NFIB: variants seen among roughly 807,000 people sequenced by gnomAD.
The protein encoded by NFIB is nuclear factor 1 B-type.
NFIB carries 11 observed loss-of-function variants against 61.5 expected under a neutral mutation model. The ratio of observed to expected loss-of-function variants is 0.18; its 90% CI spans 0.11 to 0.30. The LOEUF is 0.30. Ranked by LOEUF, NFIB falls within the 10% of genes least tolerant of loss-of-function variation. NFIB has a pLI of 1.00. For missense variants in NFIB, 471 were observed against 608.9 expected (o/e 0.77, Z 2.38); for synonymous variants, 260 against 216.5 (o/e 1.20, Z -1.76).
chr9:14,525,501 G>A, the NFIB span, among the ~76,000 whole-genome samples: 3 of 152,264 alleles, frequency 2.0e-5, no homozygotes, highest in Admixed American at 1.3e-4. Flanking sequence ...GAAGACTGAA[G>A]GAGATGATTT....
chr9:14,148,678 G>C (rs141590639), intron 5 of NFIB, among the ~76,000 whole-genome samples: 1 of 152,028 alleles, frequency 6.6e-6, no homozygotes, highest in African/African-American at 2.4e-5. Flanking sequence ...TCTGACTTCC[G>C]CAAGTGTGCT....
intron 3 of NFIB, among the ~76,000 whole-genome samples, chr9:14,167,252 G>T (rs974324194): frequency 1.3e-5 from 2 of 152,078 alleles, no homozygotes; most frequent in South Asian, 2.1e-4. Context: ...ATATGCATAC[G>T]TCAGAACTGG....
At position 14,120,775 on chromosome 9, in the gene NFIB, T is replaced by G; in HGVS notation, c.1061-151A>C. 1.4e-6 allele frequency: 1 copy of G among 737,550 alleles called. No homozygotes were observed. Among genetic ancestry groups the G allele is most frequent in the Non-Finnish European group, 2.1e-6 (1 of 465,364 alleles). 45.7% of individuals were successfully genotyped at this position (737,550 alleles called of 1,614,324 possible). A position where few individuals can be genotyped will look rare whatever the true frequency, so the allele number is the denominator to read the frequency against. On this transcript the variant is annotated intron_variant, in intron 7 of 10. Transcript: ENST00000380953. This position sits in a 1 kb window ranked among gnomAD's most constrained non-coding sequence, Gnocchi z 4.4. ...CAAGCTCTCCTAAATCAACAGTTAC[T>G]TTTTCATTTTTATTCTCAACACCAG...
chr9:14,140,911 G>A (rs899631714), intron 6 of NFIB, among the ~76,000 whole-genome samples: 7 of 152,052 alleles, frequency 4.6e-5, no homozygotes, highest in African/African-American at 1.2e-4. Context: ...CTCCATCCTG[G>A]GCAACAGACA....
chr9:14,141,430 T>A (rs1273577774), intron 6 of NFIB, among the ~76,000 whole-genome samples: 6 of 152,160 alleles, frequency 3.9e-5, no homozygotes, highest in African/African-American at 1.4e-4. Flanking sequence ...CATGCCAATT[T>A]ATTGATTTTA....
At chr9:14,273,345 G>C (rs528749718) in intron 2 of NFIB, among the ~76,000 whole-genome samples, 1 of 152,120 alleles carries the variant, frequency 6.6e-6, no homozygotes, top group Non-Finnish European at 1.5e-5. Flanking sequence ...TGGAAGACTC[G>C]GGGCTGTGGG....
rs772662135 is a variant in NFIB at position 14,307,245 on chromosome 9, C to T, written c.306G>A (p.Pro102=). ...GGTCGGGATTGGATAAGACACAGCACGGGTGCTTCTTGCCAGTCACGGTGA... is the reference window on the plus strand; with the variant it reads ...GGTCGGGATTGGATAAGACACAGCATGGGTGCTTCTTGCCAGTCACGGTGA... The part of the protein sequence containing the change: ...FVLTVTGKKH[P]CCVLSNPDQK... The change falls in exon 2 of 11, where the codon CCG becomes CCA. Residue 102 remains proline, a synonymous_variant. Transcript: ENST00000380953. This position sits in a 1 kb window ranked among gnomAD's most constrained non-coding sequence, Gnocchi z 5.3. The T allele has an allele frequency of 8.7e-6, 14 of 1,613,940 alleles. No homozygotes were observed. The East Asian group carries it at 1.3e-4, about 15-fold the overall frequency.
chr9:14,175,186 T>TTTTTTTC (rs1563865507), intron 3 of NFIB, among the ~76,000 whole-genome samples: 2 of 141,168 alleles, frequency 1.4e-5, no homozygotes, highest in African/African-American at 5.6e-5. Context: ...TTTTTTTTTT[T>TTTTTTTC]TGAGATGGAG....
chr9:14,530,486 G>T, the NFIB span, among the ~76,000 whole-genome samples: 22 of 151,942 alleles, frequency 1.4e-4, no homozygotes, highest in Admixed American at 1.0e-3. Flanking sequence ...ACTCAAAACA[G>T]CAACAAGTAG....
At chr9:14,506,997 G>A in the NFIB span, among the ~76,000 whole-genome samples, 296 of 152,178 alleles carry the variant, frequency 1.9e-3, 3 homozygotes, top group African/African-American at 6.8e-3. Context: ...ATCTACAGGC[G>A]ACACCATAAA....
At chr9:14,265,411 T>G (rs913795966) in intron 2 of NFIB, among the ~76,000 whole-genome samples, 1 of 152,096 alleles carries the variant, frequency 6.6e-6, no homozygotes, top group Non-Finnish European at 1.5e-5. Context: ...ACAGAACTAG[T>G]GTCCTTATCA....
chr9:14,375,116 C>T (rs1308995243), intron 1 of NFIB, among the ~76,000 whole-genome samples: 3 of 152,150 alleles, frequency 2.0e-5, no homozygotes, highest in Non-Finnish European at 4.4e-5. Context: ...ACTTCAATGT[C>T]TTAAACATCC....
intron 1 of NFIB, among the ~76,000 whole-genome samples, chr9:14,336,742 TTA>T (rs1010268186): frequency 1.8e-4 from 1 of 5,568 alleles, no homozygotes; most frequent in African/African-American, 1.8e-4. Flanking sequence ...TCGAAACACT[TTA>T]TTTATTTATT....
chr9:14,226,478 G>A (rs994052231), intron 2 of NFIB, among the ~76,000 whole-genome samples: 7 of 151,484 alleles, frequency 4.6e-5, no homozygotes, highest in African/African-American at 1.7e-4. Flanking sequence ...AACGCATGCG[G>A]TGGTGCCTGC....
At chr9:14,204,417 G>T in intron 2 of NFIB, 1 of 1,142,744 alleles carries the variant, frequency 8.8e-7, no homozygotes. Flanking sequence ...TTTGTGAAAT[G>T]GCCCCGCTAT....
chr9:14,274,598 C>G (rs897663116), intron 2 of NFIB, among the ~76,000 whole-genome samples: 1 of 152,188 alleles, frequency 6.6e-6, no homozygotes, highest in African/African-American at 2.4e-5. Flanking sequence ...CAGTTACTGA[C>G]TCTTCTGAAA....
intron 10 of NFIB, among the ~76,000 whole-genome samples, chr9:14,097,315 G>A (rs1399749969): frequency 2.6e-5 from 4 of 152,108 alleles, no homozygotes; most frequent in Admixed American, 2.6e-4. Flanking sequence ...TAGTCCCAGA[G>A]TGGTGCTAGG....
At chr9:14,529,120 A>G in the NFIB span, among the ~76,000 whole-genome samples, 1 of 152,106 alleles carries the variant, frequency 6.6e-6, no homozygotes, top group Non-Finnish European at 1.5e-5. Context: ...GTACTTGTTT[A>G]TTTTTAGCTG....
intron 2 of NFIB, 31 bp downstream of exon 2, chr9:14,306,958 C>G: frequency 6.2e-7 from 1 of 1,607,366 alleles, no homozygotes; most frequent in Admixed American, 1.7e-5. Context: ...CGGTGTTTGC[C>G]GTGCTAGAAA....
Sources: gnomAD v4.1 joint callset for allele counts (sites outside exome capture counted in the v4.1 genomes callset) on GRCh38, gnomAD v4.1.1 for gene constraint, Gnocchi (gnomAD v3.1) non-coding constraint, MANE v1.5 for transcripts, NCBI Gene and HGNC (gene_info 2026-07-23, HGNC 2026-07-21) for gene names.